The following NALF1 variants were observed in gnomAD, a reference collection of about 807,000 sequenced individuals.
NALF1 encodes family with sequence similarity 155 member A.
A neutral mutation model predicts 48.4 loss-of-function variants in NALF1; 3 were observed. The observed-to-expected ratio is 0.06, with a 90% CI of 0.03 to 0.16. The LOEUF (loss-of-function observed/expected upper bound fraction) is 0.16. NALF1 is among the 10% of genes least tolerant of loss of function. NALF1 has a pLI of 1.00. For missense variants in NALF1, 526 were observed against 571.5 expected (o/e 0.92, Z 0.81); for synonymous variants, 262 against 245.7 (o/e 1.07, Z -0.62).
chr13:107,221,246 G>A (rs1469917128), intron 1 of NALF1, among the ~76,000 whole-genome samples: 2 of 152,028 alleles, frequency 1.3e-5, no homozygotes, highest in Non-Finnish European at 2.9e-5. Flanking sequence ...TCATCCATGT[G>A]ACCAAAAACC....
intron 1 of NALF1, among the ~76,000 whole-genome samples, chr13:107,409,861 C>A: frequency 6.6e-6 from 1 of 152,150 alleles, no homozygotes; most frequent in East Asian, 1.9e-4. Context: ...TACCCTTGCC[C>A]TCATCTCTTG....
intron 1 of NALF1, among the ~76,000 whole-genome samples, chr13:107,467,749 A>C (rs537980753): frequency 9.2e-5 from 14 of 152,196 alleles, no homozygotes; most frequent in Non-Finnish European, 2.1e-4. Flanking sequence ...ATCAATATTC[A>C]AGAAGTATTG....
chr13:107,603,207 G>A (rs995067009), intron 1 of NALF1, among the ~76,000 whole-genome samples: 1 of 151,964 alleles, frequency 6.6e-6, no homozygotes, highest in African/African-American at 2.4e-5. Context: ...AAATGTTATT[G>A]CAAAAAAAAT....
intron 1 of NALF1, among the ~76,000 whole-genome samples, chr13:107,786,839 G>T (rs1056074296): frequency 2.0e-5 from 3 of 152,140 alleles, no homozygotes; most frequent in Non-Finnish European, 2.9e-5. Context: ...TCGCCAAAAT[G>T]ACTATGAAAC....
chr13:107,378,373 A>G lies in NALF1; in HGVS notation c.916-167618T>C, dbSNP rs182031996. Reference sequence around the variant, plus strand: ...TATTACAATGTAATTGATTTTTAGTAGGTAAATAATTTGGAGAGACATATA... The same window carrying G: ...TATTACAATGTAATTGATTTTTAGTGGGTAAATAATTTGGAGAGACATATA... On this transcript the variant is annotated intron_variant, in intron 1 of 2. Transcript: ENST00000375915. Among the ~76,000 whole-genome samples, 105 of 147,706 alleles carry G rather than the reference A, an allele frequency of 7.1e-4. 1 individual carries two copies. The highest frequency in any genetic ancestry group is 3.1e-3 in the Admixed American group (44 of 14,180).
chr13:107,303,083 C>G (rs556531040), intron 1 of NALF1, among the ~76,000 whole-genome samples: 1 of 152,214 alleles, frequency 6.6e-6, no homozygotes, highest in Admixed American at 6.5e-5. Context: ...TTACAGCTAT[C>G]CTGGTGGGTA....
At chr13:107,351,435 C>T (rs1882870264) in intron 1 of NALF1, among the ~76,000 whole-genome samples, 1 of 152,200 alleles carries the variant, frequency 6.6e-6, no homozygotes, top group Non-Finnish European at 1.5e-5. Context: ...CTTTCTCATC[C>T]TTCACGCATC....
Position 107,866,753 on chromosome 13 carries a change from C to T in NALF1, c.-157G>A. 1.6e-6 allele frequency: 1 copy of T among 617,138 alleles called. No homozygotes were observed. The allele number at this position is 617,138 out of a possible 1,614,324, so 38.2% of individuals were successfully genotyped here. Reference sequence around the variant, plus strand: ...TTTCTCTCTCTTCCCCTCTCCCTCTCTCCTCTCTCTCTCTCTCCCTCTCCC... The same window carrying T: ...TTTCTCTCTCTTCCCCTCTCCCTCTTTCCTCTCTCTCTCTCTCCCTCTCCC... On this transcript the variant is annotated 5_prime_UTR_variant, in exon 1 of 3. Transcript: ENST00000375915. The surrounding 1 kb of genome is among the most constrained non-coding windows in gnomAD (Gnocchi z 4.4).
At chr13:107,509,618 C>T (rs1875813663) in intron 1 of NALF1, among the ~76,000 whole-genome samples, 1 of 151,992 alleles carries the variant, frequency 6.6e-6, no homozygotes, top group African/African-American at 2.4e-5. Flanking sequence ...TTATTATATG[C>T]AGATTCAGCT....
intron 2 of NALF1, 106 bp from the exon 3 acceptor site, chr13:107,170,892 A>AT (rs1411419807): frequency 1.0e-5 from 10 of 1,000,826 alleles, no homozygotes; most frequent in Non-Finnish European, 1.5e-6. Context: ...CTTACAGGCA[A>AT]TTAGACATTT....
chr13:107,702,800 G>T (rs902803948), intron 1 of NALF1, among the ~76,000 whole-genome samples: 1 of 152,060 alleles, frequency 6.6e-6, no homozygotes, highest in East Asian at 1.9e-4. Context: ...TGCAGTTTTT[G>T]ATTTTCTGTG....
chr13:107,285,699 A>G (rs1316814103), intron 1 of NALF1, among the ~76,000 whole-genome samples: 2 of 152,050 alleles, frequency 1.3e-5, no homozygotes, highest in Non-Finnish European at 2.9e-5. Flanking sequence ...AGTATACAGT[A>G]TATATTATAC....
chr13:107,645,611 T>C (rs1880293517), intron 1 of NALF1, among the ~76,000 whole-genome samples: 2 of 149,836 alleles, frequency 1.3e-5, no homozygotes, highest in East Asian at 4.0e-4. Context: ...GGTAGTTTTC[T>C]ACAAATTCTC....
chr13:107,486,103 T>A (rs907384665), intron 1 of NALF1, among the ~76,000 whole-genome samples: 1 of 152,216 alleles, frequency 6.6e-6, no homozygotes, highest in African/African-American at 2.4e-5. Flanking sequence ...ATTTTTACAA[T>A]CCATTTTATC....
intron 1 of NALF1, among the ~76,000 whole-genome samples, chr13:107,819,890 T>G (rs957282706): frequency 2.0e-5 from 3 of 152,310 alleles, no homozygotes; most frequent in African/African-American, 7.2e-5. Context: ...TTAGGCTTTC[T>G]GATGTGCAGT....
chr13:107,550,569 C>T (rs184702125), intron 1 of NALF1, among the ~76,000 whole-genome samples: 8 of 152,234 alleles, frequency 5.3e-5, no homozygotes, highest in African/African-American at 1.7e-4. Flanking sequence ...ATCTTTTCCT[C>T]GTTATTCAAA....
chr13:107,765,668 C>A (rs1877399677), intron 1 of NALF1, among the ~76,000 whole-genome samples: 1 of 152,118 alleles, frequency 6.6e-6, no homozygotes, highest in Admixed American at 6.6e-5. Flanking sequence ...CCTGCCCACC[C>A]ATCCTTTTTA....
At chr13:107,757,881 ACAT>A (rs1877156939) in intron 1 of NALF1, among the ~76,000 whole-genome samples, 1 of 152,230 alleles carries the variant, frequency 6.6e-6, no homozygotes, top group Admixed American at 6.5e-5. Flanking sequence ...TTTTGTAATT[ACAT>A]CATCCTTGAT....
chr13:107,283,249 A>G (rs572220280), intron 1 of NALF1, among the ~76,000 whole-genome samples: 1 of 152,240 alleles, frequency 6.6e-6, no homozygotes, highest in South Asian at 2.1e-4. Flanking sequence ...CTGGTGAAAT[A>G]TTTATTTATA....
Sources: allele counts gnomAD v4.1 joint callset (sites outside exome capture counted in the v4.1 genomes callset), GRCh38; gene constraint gnomAD v4.1.1; non-coding constraint Gnocchi (gnomAD v3.1); transcripts MANE v1.5; gene names NCBI Gene and HGNC (gene_info 2026-07-23, HGNC 2026-07-21).